Variants in SLC9A1 observed in about 807,000 individuals in gnomAD.
The protein encoded by SLC9A1 is sodium/hydrogen exchanger 1.
A neutral mutation model predicts 67.9 loss-of-function variants in SLC9A1; 22 were observed. The observed-to-expected ratio is 0.32, with a 90% CI of 0.23 to 0.46. The LOEUF (loss-of-function observed/expected upper bound fraction) is 0.46, where lower values mean the gene tolerates loss of function less well. SLC9A1 is among the 20% of genes least tolerant of loss of function. SLC9A1 has a pLI of 1.00. For synonymous variants in SLC9A1, 421 were observed against 471.8 expected, an observed-to-expected ratio of 0.89 and a Z score of 1.40; for missense variants, 686 against 1,094.8, an observed-to-expected ratio of 0.63 and a Z score of 5.27.
At chr1:27,103,356 G>A (rs1228284614) in intron 5 of SLC9A1, 44 bp from the exon 6 acceptor site, 1 of 1,399,026 alleles carries the variant, frequency 7.1e-7, no homozygotes, top group Admixed American at 1.7e-5. Context: ...CTGCTACCCA[G>A]GCAGGGAGGC....
At chr1:27,119,571 GT>G (rs1002992894) in intron 1 of SLC9A1, among the ~76,000 whole-genome samples, 4 of 152,090 alleles carry the variant, frequency 2.6e-5, no homozygotes, top group African/African-American at 9.7e-5. Flanking sequence ...GCACTCTACA[GT>G]TTACAGCGGC....
intron 5 of SLC9A1, 158 bp from the exon 6 acceptor site, chr1:27,103,470 C>A: frequency 1.5e-6 from 1 of 647,588 alleles, no homozygotes; most frequent in Non-Finnish European, 2.8e-6. Flanking sequence ...CACCTCCCAG[C>A]ACTTATCTAA....
At position 27,137,992 on chromosome 1, in the gene SLC9A1, C is replaced by T. The variant is rs1252164030; in HGVS notation, c.352+15991G>A. Among the ~76,000 whole-genome samples the T allele has an allele frequency of 6.6e-6, 1 of 152,236 alleles. No homozygotes were observed. The highest frequency in any genetic ancestry group is 1.5e-5 in the Non-Finnish European group (1 of 68,026). On this transcript the variant is annotated intron_variant, in intron 1 of 11. Transcript: ENST00000263980. This position sits in a 1 kb window ranked among gnomAD's most constrained non-coding sequence, Gnocchi z 4.6. ...CTTTACTCTGTTGCCCTCATAGACCCAGCTTGAGCTGCTGGCAGGCAGGAC... is the reference window on the plus strand; with the variant it reads ...CTTTACTCTGTTGCCCTCATAGACCTAGCTTGAGCTGCTGGCAGGCAGGAC...
At position 27,131,938 on chromosome 1, in the gene SLC9A1, G is replaced by GAAAAA. The variant is rs1351315440; in HGVS notation, c.353-17657_353-17653dup. ...TCCGTCTCAAAAAGAAGAAGAAGAAGAAAAAAAAAATATATATATATATAT... is the reference window on the plus strand; with the variant it reads ...TCCGTCTCAAAAAGAAGAAGAAGAAGAAAAAAAAAAAAAAATATATATATATATAT... On this transcript the variant is annotated intron_variant, in intron 1 of 11. Coordinates refer to ENST00000263980, the MANE Select transcript of SLC9A1 (RefSeq NM_003047.5). Among the ~76,000 whole-genome samples, 198 of 34,980 alleles carry GAAAAA rather than the reference G, an allele frequency of 5.7e-3. 3 individuals carry two copies. The highest frequency in any genetic ancestry group is 8.2e-3 in the African/African-American group (74 of 9,002). 22.9% of individuals were successfully genotyped at this position (34,980 alleles called of 152,430 possible). A position where few individuals can be genotyped will look rare whatever the true frequency, so the allele number is the denominator to read the frequency against.
intron 1 of SLC9A1, among the ~76,000 whole-genome samples, chr1:27,131,889 C>T (rs2083386798): frequency 7.2e-6 from 1 of 139,200 alleles, no homozygotes; most frequent in African/African-American, 2.7e-5. Context: ...CCACTGCATT[C>T]TAGCCTGGGC....
chr1:27,147,652 A>AAT (rs1489143495), intron 1 of SLC9A1, among the ~76,000 whole-genome samples: 1 of 152,142 alleles, frequency 6.6e-6, no homozygotes, highest in East Asian at 1.9e-4. Context: ...CATCTCTAAA[A>AAT]AAACAAAACA....
At chr1:27,150,119 T>C (rs2083516744) in intron 1 of SLC9A1, among the ~76,000 whole-genome samples, 1 of 152,178 alleles carries the variant, frequency 6.6e-6, no homozygotes, top group African/African-American at 2.4e-5. Flanking sequence ...GTTCTTCTCT[T>C]CTTTTGAGAA....
At chr1:27,131,935 G>GAAA (rs1469901772) in intron 1 of SLC9A1, among the ~76,000 whole-genome samples, 1 of 3,000 alleles carries the variant, frequency 3.3e-4, no homozygotes, top group Non-Finnish European at 9.3e-4. Context: ...AGAAGAAGAA[G>GAAA]AAGAAAAAAA....
At chr1:27,148,999 G>A (rs1239009864) in intron 1 of SLC9A1, among the ~76,000 whole-genome samples, 17 of 152,216 alleles carry the variant, frequency 1.1e-4, no homozygotes, top group Non-Finnish European at 1.5e-5. Context: ...AGGCAGGGTT[G>A]CTAGCAGAGA....
chr1:27,103,596 T>G (rs2083162993), intron 5 of SLC9A1: 1 of 479,032 alleles, frequency 2.1e-6, no homozygotes, highest in East Asian at 3.8e-5. Flanking sequence ...TGGGTTCAGA[T>G]GTGGACTGCA....
intron 2 of SLC9A1, among the ~76,000 whole-genome samples, chr1:27,113,224 C>T (rs143102932): frequency 2.7e-4 from 41 of 151,982 alleles, no homozygotes; most frequent in Admixed American, 4.6e-4. Context: ...TTTGGGAGGC[C>T]GAGGCAGGAG....
chr1:27,103,731 G>A (rs2124132362), intron 5 of SLC9A1: 1 of 226,826 alleles, frequency 4.4e-6, no homozygotes, highest in Non-Finnish European at 9.0e-6. Context: ...AGATGGAACT[G>A]CACACCTGCC....
intron 1 of SLC9A1, among the ~76,000 whole-genome samples, chr1:27,151,337 A>C (rs1225998831): frequency 1.3e-5 from 2 of 152,162 alleles, no homozygotes; most frequent in African/African-American, 4.8e-5. Flanking sequence ...ATAACTGGAT[A>C]CTATTAGTTC....
intron 2 of SLC9A1, 89 bp downstream of exon 2, chr1:27,113,737 G>T: frequency 2.0e-6 from 2 of 989,280 alleles, no homozygotes; most frequent in Non-Finnish European, 3.1e-6. Context: ...TTTTATTACT[G>T]TTATTAGCGG....
Position 27,154,034 on chromosome 1 carries a change from T to C in SLC9A1, c.301A>G (p.Thr101Ala). The change falls in exon 1 of 12, where the codon ACC (threonine) becomes GCC (alanine). Residue 101 changes from threonine (T) to alanine (A), a missense_variant. By Grantham distance (58) the Thr-to-Ala change is moderately conservative. Coordinates refer to ENST00000263980, the MANE Select transcript of SLC9A1 (RefSeq NM_003047.5). ...VLGIDYTHVR[T>A]PFEISLWILL... ...ATCCAGAGGGAGATCTCGAAGGGGGTGCGCACGTGTGTGTAGTCGATGCCC... is the reference window on the plus strand; with the variant it reads ...ATCCAGAGGGAGATCTCGAAGGGGGCGCGCACGTGTGTGTAGTCGATGCCC... 1 of 1,601,818 alleles carries C rather than the reference T, an allele frequency of 6.2e-7. No individual in the cohort carries two copies. Among genetic ancestry groups the C allele is most frequent in the Non-Finnish European group, 8.5e-7 (1 of 1,172,192 alleles).
rs1203415679 is a variant in SLC9A1, at chr1:27,118,483, T to C, written c.353-4197A>G. Among the ~76,000 whole-genome samples the C allele has an allele frequency of 2.0e-5, 3 of 152,124 alleles. No homozygotes were observed. Among genetic ancestry groups the C allele is most frequent in the African/African-American group, 7.2e-5 (3 of 41,420 alleles). ...CTCCACCAACTGCGCTCACTCTGCA[T>C]CCCTGCAGAGTCCCCACAAAGAGCA... On this transcript the variant is annotated intron_variant, in intron 1 of 11. Coordinates refer to ENST00000263980, the MANE Select transcript of SLC9A1 (RefSeq NM_003047.5). This position sits in a 1 kb window ranked among gnomAD's most constrained non-coding sequence, Gnocchi z 4.3.
intron 1 of SLC9A1, among the ~76,000 whole-genome samples, chr1:27,152,058 C>T (rs2083532098): frequency 6.6e-6 from 1 of 152,096 alleles, no homozygotes; most frequent in South Asian, 2.1e-4. Flanking sequence ...CGTGACTGGT[C>T]CAAGGACAGA....
At position 27,109,452 on chromosome 1, in the gene SLC9A1, C is replaced by A. The variant is rs867315475; in HGVS notation, c.1064+75G>T. 12 of 1,526,480 alleles carry A rather than the reference C, an allele frequency of 7.9e-6. No individual in the cohort carries two copies. The African/African-American group carries it at 1.2e-4, about 16-fold the overall frequency. 94.6% of individuals were successfully genotyped at this position (1,526,480 alleles called of 1,614,324 possible). A position where few individuals can be genotyped will look rare whatever the true frequency, so the allele number is the denominator to read the frequency against. On this transcript the variant is annotated intron_variant, in intron 3 of 11. Coordinates refer to ENST00000263980, the MANE Select transcript of SLC9A1 (RefSeq NM_003047.5). This position sits in a 1 kb window ranked among gnomAD's most constrained non-coding sequence, Gnocchi z 5.5. ...GGGCCCTGGGAGCTCCGTGAACCTA[C>A]GAGCCTGGGGAATCCAAGCTGGCAG... is the stretch of plus-strand genomic sequence containing the variant.
At chr1:27,152,120 G>T (rs1296743341) in intron 1 of SLC9A1, among the ~76,000 whole-genome samples, 1 of 152,188 alleles carries the variant, frequency 6.6e-6, no homozygotes, top group African/African-American at 2.4e-5. Context: ...TGATATTGTT[G>T]CCATGACACC....
Sources: allele counts gnomAD v4.1 joint callset (sites outside exome capture counted in the v4.1 genomes callset), GRCh38; gene constraint gnomAD v4.1.1; non-coding constraint Gnocchi (gnomAD v3.1); transcripts MANE v1.5; gene names NCBI Gene and HGNC (gene_info 2026-07-23, HGNC 2026-07-21).